SDK1: variants seen among roughly 807,000 people sequenced by gnomAD.
SDK1 encodes protein sidekick-1.
In SDK1, 157 loss-of-function variants were observed where a neutral mutation model predicts 245.5. The ratio of observed to expected loss-of-function variants is 0.64; its 90% confidence interval spans 0.56 to 0.73. The LOEUF (loss-of-function observed/expected upper bound fraction) is 0.73. Ranked by LOEUF, SDK1 falls within the 30% of genes least tolerant of loss-of-function variation. The pLI is 0.00. For missense variants in SDK1, 3,583 were observed against 3,002.3 expected (o/e 1.19, Z -4.52); for synonymous variants, 1,647 against 1,278.5 (o/e 1.29, Z -6.15).
chr7:3,681,615 A>T (rs1479862860), intron 4 of SDK1, among the ~76,000 whole-genome samples: 2 of 152,234 alleles, frequency 1.3e-5, no homozygotes, highest in Non-Finnish European at 2.9e-5. Context: ...TACAGTGTAT[A>T]TTATGTGTCT....
At chr7:3,622,059 A>G (rs1228097529) in intron 2 of SDK1, among the ~76,000 whole-genome samples, 1 of 152,220 alleles carries the variant, frequency 6.6e-6, no homozygotes, top group Non-Finnish European at 1.5e-5. Context: ...AATATAGGCT[A>G]GGCTAAACCG....
intron 4 of SDK1, among the ~76,000 whole-genome samples, chr7:3,677,424 T>G (rs1783939549): frequency 6.6e-6 from 1 of 152,140 alleles, no homozygotes; most frequent in Admixed American, 6.5e-5. Context: ...CAATCATGGC[T>G]GAAGGTGAAT....
intron 40 of SDK1, among the ~76,000 whole-genome samples, chr7:4,222,441 C>T (rs1476860171): frequency 6.6e-6 from 1 of 152,066 alleles, no homozygotes; most frequent in Non-Finnish European, 1.5e-5. Flanking sequence ...ATTACAGGCA[C>T]CCGCCATCAC....
chr7:4,131,926 A>G (rs1784851411), intron 27 of SDK1, among the ~76,000 whole-genome samples: 1 of 152,162 alleles, frequency 6.6e-6, no homozygotes, highest in Admixed American at 6.5e-5. Flanking sequence ...TGCTTTGCAG[A>G]TGTCAAACCC....
At position 3,448,942 on chromosome 7, in the gene SDK1, A is replaced by G. The variant is rs185086942; in HGVS notation, c.298+147058A>G. ...CAGGAAGGATTATTCCTGCGAACAA[A>G]TTCACTAATCAGCTTGCAACCTAAC... On this transcript the variant is annotated intron_variant, in intron 1 of 44. Coordinates refer to ENST00000404826, the MANE Select transcript of SDK1 (RefSeq NM_152744.4). Among the ~76,000 whole-genome samples the G allele has an allele frequency of 4.2e-3, 637 of 152,306 alleles. 7 individuals carry two copies. Among genetic ancestry groups the G allele is most frequent in the South Asian group, 0.018 (87 of 4,828 alleles).
rs73672190 is a variant in SDK1, at chr7:3,827,215, G to A, written c.847+5632G>A. Among the ~76,000 whole-genome samples the A allele has an allele frequency of 6.3e-3, 954 of 152,272 alleles. 9 individuals carry two copies. The highest frequency in any genetic ancestry group is 0.021 in the African/African-American group (876 of 41,562). ...CCGGTTTCCCAAAGCAGCAGTCACT[G>A]GTCTGAGTATCACTCAGGATACATA... On this transcript the variant is annotated intron_variant, in intron 5 of 44. Coordinates refer to ENST00000404826, the MANE Select transcript of SDK1 (RefSeq NM_152744.4).
rs185034894 is a variant in SDK1 at position 3,746,432 on chromosome 7, G to C, written c.714-75018G>C. On this transcript the variant is annotated intron_variant, in intron 4 of 44. Coordinates refer to ENST00000404826, the MANE Select transcript of SDK1 (RefSeq NM_152744.4). The stretch of plus-strand genomic sequence containing the variant: ...AGTGAAGTTTGCCCCATCAATTGAT[G>C]TCTTCCTTTCACAAAAGATTTCTCT... Among the ~76,000 whole-genome samples the C allele has an allele frequency of 2.6e-3, 398 of 152,234 alleles. 1 individual carries two copies. Among genetic ancestry groups the C allele is most frequent in the African/African-American group, 9.2e-3 (381 of 41,548 alleles).
At chr7:3,789,260 G>A (rs1253648837) in intron 4 of SDK1, among the ~76,000 whole-genome samples, 6 of 152,042 alleles carry the variant, frequency 3.9e-5, no homozygotes, top group African/African-American at 1.2e-4. Flanking sequence ...CGATTCTCCT[G>A]CCTCAGCCTC....
chr7:3,401,226 A>T (rs1312893927), intron 1 of SDK1, among the ~76,000 whole-genome samples: 7 of 152,226 alleles, frequency 4.6e-5, no homozygotes, highest in African/African-American at 7.2e-5. Flanking sequence ...TTCTAGAATA[A>T]TCACATGACA....
At chr7:3,431,033 TGA>T (rs1779830592) in intron 1 of SDK1, among the ~76,000 whole-genome samples, 1 of 152,198 alleles carries the variant, frequency 6.6e-6, no homozygotes, top group African/African-American at 2.4e-5. Flanking sequence ...CCTGAATAGC[TGA>T]GACTACAGGC....
intron 5 of SDK1, among the ~76,000 whole-genome samples, chr7:3,936,196 G>C (rs1012285307): frequency 6.6e-6 from 1 of 152,170 alleles, no homozygotes; most frequent in Non-Finnish European, 1.5e-5. Flanking sequence ...AGTTCACAGA[G>C]ACAGAAAGTA....
intron 1 of SDK1, among the ~76,000 whole-genome samples, chr7:3,436,237 G>A (rs1442961293): frequency 1.3e-5 from 2 of 151,964 alleles, no homozygotes; most frequent in African/African-American, 4.8e-5. Flanking sequence ...CATTTCAGTG[G>A]TATTTTATGG....
At chr7:3,529,826 G>A (rs1395284919) in intron 1 of SDK1, among the ~76,000 whole-genome samples, 2 of 152,152 alleles carry the variant, frequency 1.3e-5, no homozygotes, top group African/African-American at 4.8e-5. Context: ...TGCCTCCCAA[G>A]GAGAAATACT....
intron 4 of SDK1, among the ~76,000 whole-genome samples, chr7:3,757,360 A>G (rs968832631): frequency 3.3e-5 from 5 of 152,004 alleles, no homozygotes; most frequent in Admixed American, 6.6e-5. Flanking sequence ...CAGCCTCCTG[A>G]GTAGCTGGGA....
At chr7:3,609,200 G>T (rs1198437227) in intron 1 of SDK1, among the ~76,000 whole-genome samples, 1 of 152,120 alleles carries the variant, frequency 6.6e-6, no homozygotes, top group African/African-American at 2.4e-5. Context: ...AATACAGAAA[G>T]AAATAAGTCA....
intron 4 of SDK1, among the ~76,000 whole-genome samples, chr7:3,669,507 T>A (rs1783630897): frequency 7.4e-6 from 1 of 135,006 alleles, no homozygotes; most frequent in Admixed American, 7.4e-5. Context: ...TTAACCACTC[T>A]CTTCTTTTGA....
chr7:4,125,398 GGATA>G (rs1156539507), intron 25 of SDK1, among the ~76,000 whole-genome samples: 13 of 151,492 alleles, frequency 8.6e-5, no homozygotes, highest in Middle Eastern at 6.8e-3. Flanking sequence ...GTGGATGGAT[GGATA>G]GATGGATGGA....
At chr7:4,160,041 ATTG>A (rs1781015263) in intron 31 of SDK1, among the ~76,000 whole-genome samples, 1 of 152,218 alleles carries the variant, frequency 6.6e-6, no homozygotes, top group Admixed American at 6.5e-5. Flanking sequence ...GCACCACTTT[ATTG>A]TTAGCAAACC....
intron 4 of SDK1, among the ~76,000 whole-genome samples, chr7:3,758,780 A>G (rs1229407636): frequency 6.6e-6 from 1 of 152,156 alleles, no homozygotes; most frequent in Admixed American, 6.5e-5. Context: ...GTGTGCTTGT[A>G]GCCCCTGTGC....
Sources: gnomAD v4.1 joint callset for allele counts (sites outside exome capture counted in the v4.1 genomes callset) on GRCh38, gnomAD v4.1.1 for gene constraint, MANE v1.5 for transcripts, NCBI Gene and HGNC (gene_info 2026-07-23, HGNC 2026-07-21) for gene names.